SHROOM3: variants seen among roughly 807,000 people sequenced by gnomAD.
SHROOM3 encodes shroom family member 3.
In SHROOM3, 47 loss-of-function variants were observed where a neutral mutation model predicts 138.6. That is an observed-to-expected ratio of 0.34 (90% confidence interval 0.27 to 0.43). SHROOM3 has a LOEUF of 0.43. Among genes scored for constraint, SHROOM3 ranks in the 20% least tolerant of loss-of-function variants. The pLI, the probability that SHROOM3 is intolerant of heterozygous loss-of-function variation, is 1.00. For synonymous variants in SHROOM3, 1,062 were observed against 1,063.3 expected, an observed-to-expected ratio of 1.00 and a Z score of 0.02; for missense variants, 2,491 against 2,596.5, an observed-to-expected ratio of 0.96 and a Z score of 0.88.
At chr4:76,491,951 A>G (rs1227721128) in intron 1 of SHROOM3, among the ~76,000 whole-genome samples, 1 of 152,196 alleles carries the variant, frequency 6.6e-6, no homozygotes, top group Non-Finnish European at 1.5e-5. Flanking sequence ...AGAGTTCCAG[A>G]AAGAGAGAGA....
Position 76,738,794 on chromosome 4 carries a change from T to C in SHROOM3, c.621T>C (p.His207=). 1 of 1,614,222 alleles carries C rather than the reference T, an allele frequency of 6.2e-7. No individual in the cohort carries two copies. The highest frequency in any genetic ancestry group is 8.5e-7 in the Non-Finnish European group (1 of 1,180,020). The change falls in exon 5 of 11, where the codon CAT becomes CAC. Residue 207 remains histidine, a synonymous_variant. Transcript: ENST00000296043. ...SSTSDLSNYD[H]AYLRRSPDQC... is the part of the protein sequence containing the mutation. ...CTAGTGACCTCTCCAACTATGACCATGCTTATCTAAGGCGGAGCCCTGACC... is the reference window on the plus strand; with the variant it reads ...CTAGTGACCTCTCCAACTATGACCACGCTTATCTAAGGCGGAGCCCTGACC...
At chr4:76,453,044 G>A (rs891862075) in intron 1 of SHROOM3, among the ~76,000 whole-genome samples, 1 of 152,110 alleles carries the variant, frequency 6.6e-6, no homozygotes, top group Non-Finnish European at 1.5e-5. Flanking sequence ...ATAAGAACTT[G>A]TGTGTACAGA....
At chr4:76,659,880 C>G (rs1736146414) in intron 2 of SHROOM3, among the ~76,000 whole-genome samples, 1 of 152,184 alleles carries the variant, frequency 6.6e-6, no homozygotes, top group South Asian at 2.1e-4. Context: ...CCGCACCCAG[C>G]CTGAGAAAAC....
intron 1 of SHROOM3, among the ~76,000 whole-genome samples, chr4:76,465,274 C>G (rs1335673847): frequency 6.6e-6 from 1 of 152,194 alleles, no homozygotes; most frequent in Non-Finnish European, 1.5e-5. Context: ...GTACACTGCT[C>G]AGATGTTACT....
intron 2 of SHROOM3, among the ~76,000 whole-genome samples, chr4:76,698,017 C>G (rs1337522184): frequency 6.6e-6 from 1 of 152,168 alleles, no homozygotes; most frequent in East Asian, 1.9e-4. Context: ...AAAAGGTCTA[C>G]TGTAAGCTGT....
chr4:76,460,086 T>G (rs1731109923), intron 1 of SHROOM3, among the ~76,000 whole-genome samples: 1 of 152,236 alleles, frequency 6.6e-6, no homozygotes, highest in African/African-American at 2.4e-5. Context: ...TGATCGCTTC[T>G]GGATTATGTG....
rs139948259 is a variant in SHROOM3, at chr4:76,624,431, A to G, written c.323+68668A>G. Reference sequence around the variant, plus strand: ...CCTGCTTTGCTCCCGTGGTGACTTCATTCTTGGGAAGTTTTTAGGTTTCCT... The same window carrying G: ...CCTGCTTTGCTCCCGTGGTGACTTCGTTCTTGGGAAGTTTTTAGGTTTCCT... On this transcript the variant is annotated intron_variant, in intron 2 of 10. Transcript: ENST00000296043. Among the ~76,000 whole-genome samples the G allele has an allele frequency of 3.3e-5, 5 of 152,242 alleles. No individual in the cohort carries two copies. The East Asian group carries it at 5.8e-4, about 18-fold the overall frequency.
chr4:76,507,275 TC>T (rs1371854174), intron 1 of SHROOM3, among the ~76,000 whole-genome samples: 3 of 152,166 alleles, frequency 2.0e-5, no homozygotes, highest in Non-Finnish European at 4.4e-5. Context: ...CCAGATAGAC[TC>T]ATATGACCAA....
chr4:76,649,463 C>T (rs1441440972), intron 2 of SHROOM3, among the ~76,000 whole-genome samples: 1 of 152,146 alleles, frequency 6.6e-6, no homozygotes, highest in Non-Finnish European at 1.5e-5. Flanking sequence ...ATGGATTCAG[C>T]CTTTTCCCTG....
At chr4:76,531,397 C>G (rs1732826090) in intron 1 of SHROOM3, among the ~76,000 whole-genome samples, 1 of 152,172 alleles carries the variant, frequency 6.6e-6, no homozygotes, top group Non-Finnish European at 1.5e-5. Context: ...TGGGTTTAGC[C>G]TCACACTGGT....
intron 10 of SHROOM3, among the ~76,000 whole-genome samples, chr4:76,777,288 A>C (rs1286697103): frequency 1.3e-5 from 2 of 152,142 alleles, no homozygotes; most frequent in Non-Finnish European, 2.9e-5. Context: ...AGTGTTTTAT[A>C]GTTTTCCTTG....
intron 1 of SHROOM3, among the ~76,000 whole-genome samples, chr4:76,437,347 T>G (rs1730583557): frequency 6.6e-6 from 1 of 152,128 alleles, no homozygotes; most frequent in Non-Finnish European, 1.5e-5. Flanking sequence ...TCTCAGTAAA[T>G]TGGGGTTTGT....
At chr4:76,586,145 A>T in intron 2 of SHROOM3, 1 of 628,350 alleles carries the variant, frequency 1.6e-6, no homozygotes, top group South Asian at 7.0e-5. Context: ...CCCTTACATC[A>T]GCGGGCCAGC....
At chr4:76,479,372 A>C (rs963594749) in intron 1 of SHROOM3, among the ~76,000 whole-genome samples, 25 of 151,850 alleles carry the variant, frequency 1.6e-4, no homozygotes, top group African/African-American at 5.8e-4. Context: ...AAGCAGAAGA[A>C]AGGATATCAG....
At chr4:76,748,201 C>T (rs183160329) in intron 5 of SHROOM3, among the ~76,000 whole-genome samples, 9 of 152,122 alleles carry the variant, frequency 5.9e-5, no homozygotes, top group East Asian at 3.9e-4. Context: ...CAATGAGGAA[C>T]GGGGTGAAGA....
chr4:76,765,960 C>A (rs1722141078), intron 9 of SHROOM3, among the ~76,000 whole-genome samples: 2 of 152,166 alleles, frequency 1.3e-5, no homozygotes, highest in African/African-American at 4.8e-5. Flanking sequence ...TCTTTTGAAA[C>A]TAATATCATA....
At chr4:76,692,559 A>G (rs565205593) in intron 2 of SHROOM3, among the ~76,000 whole-genome samples, 1 of 152,234 alleles carries the variant, frequency 6.6e-6, no homozygotes, top group Non-Finnish European at 1.5e-5. Context: ...AATGACTTGT[A>G]CAGAATGTTC....
chr4:76,602,569 C>A (rs1734528463), intron 2 of SHROOM3, among the ~76,000 whole-genome samples: 1 of 151,648 alleles, frequency 6.6e-6, no homozygotes, highest in Non-Finnish European at 1.5e-5. Flanking sequence ...ATATAGTAGG[C>A]AAAATTAAAT....
intron 1 of SHROOM3, among the ~76,000 whole-genome samples, chr4:76,544,121 A>G (rs1312959507): frequency 6.6e-6 from 1 of 152,182 alleles, no homozygotes; most frequent in African/African-American, 2.4e-5. Context: ...CTTAGAGCCA[A>G]ATTTGCACTA....
Sources: gnomAD v4.1 joint callset for allele counts (sites outside exome capture counted in the v4.1 genomes callset) on GRCh38, gnomAD v4.1.1 for gene constraint, MANE v1.5 for transcripts, NCBI Gene and HGNC (gene_info 2026-07-23, HGNC 2026-07-21) for gene names.